Variants in SUMF1 observed in about 807,000 individuals in gnomAD.
SUMF1 encodes the protein formylglycine-generating enzyme.
SUMF1 carries 48 observed loss-of-function variants against 47.6 expected under a neutral mutation model. The ratio of observed to expected loss-of-function variants is 1.01; its 90% CI spans 0.80 to 1.28. The LOEUF is 1.28. SUMF1 is among the 50% of genes most tolerant of loss of function. The pLI is 0.00. For missense variants in SUMF1, 571 were observed against 485.4 expected, an observed-to-expected ratio of 1.18 and a Z score of -1.66; for synonymous variants, 230 against 192.1, an observed-to-expected ratio of 1.20 and a Z score of -1.63.
chr3:4,136,095 T>C (rs553468560), intron 8 of SUMF1, among the ~76,000 whole-genome samples: 1 of 152,148 alleles, frequency 6.6e-6, no homozygotes. Flanking sequence ...AAGCTACCAA[T>C]GACTTTCTTC....
intron 6 of SUMF1, among the ~76,000 whole-genome samples, chr3:4,411,818 A>G (rs1701552789): frequency 6.6e-6 from 1 of 152,192 alleles, no homozygotes; most frequent in Non-Finnish European, 1.5e-5. Context: ...TCAAACATAA[A>G]GAAAAATTTC....
chr3:4,155,204 C>T (rs529034246), intron 8 of SUMF1, among the ~76,000 whole-genome samples: 4 of 151,460 alleles, frequency 2.6e-5, no homozygotes, highest in Non-Finnish European at 4.4e-5. Context: ...AGTCCTATGC[C>T]AATTAAGGTA....
intron 8 of SUMF1, among the ~76,000 whole-genome samples, chr3:4,072,155 T>C (rs957193476): frequency 2.0e-5 from 3 of 152,056 alleles, no homozygotes; most frequent in African/African-American, 7.2e-5. Flanking sequence ...GAAAACAGGG[T>C]CTGGAGTGGA....
At chr3:4,144,395 A>T (rs908709938) in intron 8 of SUMF1, among the ~76,000 whole-genome samples, 21 of 152,122 alleles carry the variant, frequency 1.4e-4, no homozygotes, top group Non-Finnish European at 1.5e-5. Context: ...AGGTGGAGGA[A>T]GGCAGAAAAC....
intron 9 of SUMF1, among the ~76,000 whole-genome samples, chr3:4,056,688 G>A (rs1695196783): frequency 6.6e-6 from 1 of 151,972 alleles, no homozygotes. Context: ...TTAGCTCTGG[G>A]TAATAGAATT....
chr3:4,156,631 T>C (rs529330842), intron 8 of SUMF1, among the ~76,000 whole-genome samples: 2 of 151,804 alleles, frequency 1.3e-5, no homozygotes, highest in African/African-American at 4.9e-5. Flanking sequence ...ATGATATTTC[T>C]ATATTTAAGT....
intron 2 of SUMF1, among the ~76,000 whole-genome samples, chr3:4,452,092 T>G (rs138162621): frequency 2.0e-4 from 30 of 152,144 alleles, no homozygotes; most frequent in Non-Finnish European, 3.4e-4. Context: ...TCTCAAATTA[T>G]TCATTTAATA....
intron 1 of SUMF1, among the ~76,000 whole-genome samples, chr3:4,453,393 G>A (rs1703044169): frequency 6.6e-6 from 1 of 151,816 alleles, no homozygotes; most frequent in Non-Finnish European, 1.5e-5. Flanking sequence ...TTTGAGACAG[G>A]TTCTCACTCT....
intron 8 of SUMF1, among the ~76,000 whole-genome samples, chr3:4,226,520 G>A (rs1200630653): frequency 2.6e-5 from 4 of 151,820 alleles, no homozygotes; most frequent in Non-Finnish European, 4.4e-5. Context: ...TGCCCACCTC[G>A]GCCTACCAAA....
intron 8 of SUMF1, among the ~76,000 whole-genome samples, chr3:4,306,241 C>T (rs754457715): frequency 2.0e-5 from 3 of 151,988 alleles, no homozygotes; most frequent in Non-Finnish European, 4.4e-5. Context: ...AAACTATGTG[C>T]CCGACGTATT....
At chr3:4,396,584 A>G (rs1426582183) in intron 7 of SUMF1, among the ~76,000 whole-genome samples, 1 of 152,018 alleles carries the variant, frequency 6.6e-6, no homozygotes, top group East Asian at 1.9e-4. Flanking sequence ...TTCCCCACCA[A>G]CCATTTGATG....
intron 7 of SUMF1, among the ~76,000 whole-genome samples, chr3:4,398,243 A>G (rs1701098977): frequency 6.6e-6 from 1 of 152,120 alleles, no homozygotes; most frequent in Admixed American, 6.5e-5. Flanking sequence ...AGAAAAGAGG[A>G]TTGTGTCTGT....
At chr3:4,369,821 T>C (rs1363229298) in intron 8 of SUMF1, among the ~76,000 whole-genome samples, 9 of 152,062 alleles carry the variant, frequency 5.9e-5, no homozygotes, top group Non-Finnish European at 1.3e-4. Context: ...GGGCCACACT[T>C]TGAGTAACAC....
At chr3:4,130,022 A>T (rs1255442423) in intron 8 of SUMF1, among the ~76,000 whole-genome samples, 1 of 152,146 alleles carries the variant, frequency 6.6e-6, no homozygotes, top group African/African-American at 2.4e-5. Context: ...TACCTAGAAA[A>T]ATAGTAAATC....
At chr3:4,259,314 T>G (rs1697034220) in intron 8 of SUMF1, among the ~76,000 whole-genome samples, 1 of 152,170 alleles carries the variant, frequency 6.6e-6, no homozygotes, top group Non-Finnish European at 1.5e-5. Context: ...TTTCTTTTCA[T>G]TGTTCCTGTA....
chr3:4,396,280 C>T (rs1031031284), intron 7 of SUMF1, among the ~76,000 whole-genome samples: 5 of 152,176 alleles, frequency 3.3e-5, no homozygotes, highest in African/African-American at 1.2e-4. Flanking sequence ...TAACATTTTT[C>T]GAATAAATCA....
chr3:4,268,493 G>A (rs1037776185), intron 8 of SUMF1, among the ~76,000 whole-genome samples: 2 of 128,736 alleles, frequency 1.6e-5, no homozygotes, highest in African/African-American at 2.9e-5. Flanking sequence ...AAAATAAAAT[G>A]TTTTTCTTTT....
chr3:4,230,068 GTTT>G (rs112061698), intron 8 of SUMF1, among the ~76,000 whole-genome samples: 1 of 148,242 alleles, frequency 6.7e-6, no homozygotes, highest in African/African-American at 2.5e-5. Context: ...ATTTACGATA[GTTT>G]TTTTTTTTTA....
intron 9 of SUMF1, among the ~76,000 whole-genome samples, chr3:4,037,743 G>A (rs980919351): frequency 1.3e-5 from 2 of 152,190 alleles, no homozygotes; most frequent in African/African-American, 4.8e-5. Flanking sequence ...CATTTGGGTT[G>A]CCAGAGTTCT....
Sources: allele counts gnomAD v4.1 joint callset (sites outside exome capture counted in the v4.1 genomes callset), GRCh38; gene constraint gnomAD v4.1.1; transcripts MANE v1.5; gene names NCBI Gene and HGNC (gene_info 2026-07-23, HGNC 2026-07-21).